Variants in LRRC7 observed in about 807,000 individuals in gnomAD.
LRRC7 encodes the protein leucine-rich repeat-containing protein 7.
A neutral mutation model predicts 175.7 loss-of-function variants in LRRC7; 23 were observed. The ratio of observed to expected loss-of-function variants is 0.13; its 90% CI spans 0.09 to 0.19. LRRC7 has a LOEUF of 0.19. Ranked by LOEUF, LRRC7 falls within the 10% of genes least tolerant of loss-of-function variation. The probability of loss-of-function intolerance (pLI) is 1.00; values close to 1 mark genes in which losing one functional copy is unlikely to be tolerated. For missense variants in LRRC7, 1,354 were observed against 1,904.7 expected (o/e 0.71, Z 5.38); for synonymous variants, 685 against 680.9 (o/e 1.01, Z -0.09).
chr1:69,924,367 G>A (rs1030036020), intron 7 of LRRC7, among the ~76,000 whole-genome samples: 1 of 152,106 alleles, frequency 6.6e-6, no homozygotes, highest in Non-Finnish European at 1.5e-5. Context: ...GATGGGGATG[G>A]CATTGAATCT....
intron 11 of LRRC7, among the ~76,000 whole-genome samples, chr1:70,006,975 C>T (rs560122471): frequency 1.3e-5 from 2 of 152,274 alleles, no homozygotes; most frequent in East Asian, 3.9e-4. Flanking sequence ...ACCTGCCCAG[C>T]ATTTCTGTGT....
intron 1 of LRRC7, among the ~76,000 whole-genome samples, chr1:69,645,798 G>T (rs1654925271): frequency 6.6e-6 from 1 of 151,968 alleles, no homozygotes; most frequent in African/African-American, 2.4e-5. Flanking sequence ...TAAAGATGAG[G>T]TTTTATAAAA....
At chr1:69,954,251 C>A (rs1650262092) in intron 8 of LRRC7, among the ~76,000 whole-genome samples, 1 of 151,964 alleles carries the variant, frequency 6.6e-6, no homozygotes, top group African/African-American at 2.4e-5. Flanking sequence ...AGAGGAAACA[C>A]AAGCGTGCTG....
At chr1:69,637,615 G>T (rs1419887373) in intron 1 of LRRC7, among the ~76,000 whole-genome samples, 2 of 151,882 alleles carry the variant, frequency 1.3e-5, no homozygotes, top group East Asian at 3.9e-4. Flanking sequence ...AAGTCAAATA[G>T]TATTCCTCAG....
chr1:69,867,383 C>T (rs1161104009), intron 7 of LRRC7, among the ~76,000 whole-genome samples: 2 of 152,062 alleles, frequency 1.3e-5, no homozygotes, highest in Non-Finnish European at 2.9e-5. Flanking sequence ...GTGAGAAAGA[C>T]TGAATAACAT....
At chr1:69,631,805 T>TCA (rs1652548347) in intron 1 of LRRC7, among the ~76,000 whole-genome samples, 1 of 152,150 alleles carries the variant, frequency 6.6e-6, no homozygotes, top group Non-Finnish European at 1.5e-5. Context: ...AGCTGGCTGC[T>TCA]TGATAAACTC....
At chr1:69,763,040 T>G (rs1031406077) in intron 3 of LRRC7, among the ~76,000 whole-genome samples, 5 of 151,990 alleles carry the variant, frequency 3.3e-5, no homozygotes, top group African/African-American at 1.2e-4. Context: ...TGAGGTATGA[T>G]CCAAACAGTA....
intron 18 of LRRC7, among the ~76,000 whole-genome samples, chr1:70,034,487 C>T (rs1659099359): frequency 1.3e-5 from 2 of 152,182 alleles, no homozygotes; most frequent in South Asian, 4.1e-4. Context: ...CACAGTATCA[C>T]ATAGAACACC....
At chr1:69,803,484 G>A (rs1345978722) in intron 4 of LRRC7, among the ~76,000 whole-genome samples, 1 of 151,330 alleles carries the variant, frequency 6.6e-6, no homozygotes, top group East Asian at 1.9e-4. Flanking sequence ...TTATGTTTAA[G>A]TACTTTAAGT....
intron 2 of LRRC7, among the ~76,000 whole-genome samples, chr1:69,689,384 G>T (rs1157469030): frequency 6.6e-6 from 1 of 152,152 alleles, no homozygotes; most frequent in Non-Finnish European, 1.5e-5. Flanking sequence ...TATGCTATCT[G>T]CCTATACCAT....
intron 1 of LRRC7, among the ~76,000 whole-genome samples, chr1:69,653,803 G>A (rs950430140): frequency 4.6e-5 from 7 of 152,154 alleles, no homozygotes; most frequent in Admixed American, 3.9e-4. Flanking sequence ...AGCCTGTCAC[G>A]TGCAAAAACA....
At chr1:70,003,344 A>C (rs559594812) in intron 11 of LRRC7, among the ~76,000 whole-genome samples, 1 of 152,320 alleles carries the variant, frequency 6.6e-6, no homozygotes, top group Non-Finnish European at 1.5e-5. Context: ...CATTCAGTCC[A>C]TAACATATAT....
intron 1 of LRRC7, among the ~76,000 whole-genome samples, chr1:69,573,945 T>G (rs886928762): frequency 1.3e-5 from 2 of 152,278 alleles, no homozygotes; most frequent in South Asian, 4.1e-4. Flanking sequence ...TTTATAGGCT[T>G]CTTAAAGATG....
intron 5 of LRRC7, among the ~76,000 whole-genome samples, chr1:69,833,118 A>G (rs1004565818): frequency 4.6e-5 from 7 of 150,916 alleles, no homozygotes; most frequent in African/African-American, 1.7e-4. Context: ...AAAAAAAAGA[A>G]GAAACGACTG....
In LRRC7 at chr1:70,125,733, A is replaced by G. The variant is rs1173812132; in HGVS notation, c.*3846A>G. 7.4e-6 allele frequency among the ~76,000 whole-genome samples: 1 copy of G among 135,616 alleles called. No homozygotes were observed. The highest frequency in any genetic ancestry group is 2.2e-4 in the East Asian group (1 of 4,492). 89.0% of individuals were successfully genotyped at this position (135,616 alleles called of 152,430 possible). A position where few individuals can be genotyped will look rare whatever the true frequency, so the allele number is the denominator to read the frequency against. The stretch of plus-strand genomic sequence containing the variant: ...CGTGAACCCAGGAGGCGGAGCTTGC[A>G]GTGAGCCGAGATCCCGCCACTGCAC... On this transcript the variant is annotated 3_prime_UTR_variant, in exon 27 of 27. Transcript: ENST00000651989.
intron 1 of LRRC7, among the ~76,000 whole-genome samples, chr1:69,610,546 G>A (rs1165390985): frequency 2.0e-5 from 3 of 151,634 alleles, no homozygotes; most frequent in Non-Finnish European, 4.4e-5. Flanking sequence ...ATGCTTATTG[G>A]CCTTTATAGT....
intron 7 of LRRC7, among the ~76,000 whole-genome samples, chr1:69,869,556 C>CT (rs1685299065): frequency 1.3e-5 from 2 of 152,108 alleles, no homozygotes; most frequent in South Asian, 4.1e-4. Context: ...TAGATTTTGT[C>CT]TTTACTATTC....
rs17463887 is a variant in LRRC7 at position 70,131,278 on chromosome 1, G to A, written c.*9391G>A. On this transcript the variant is annotated 3_prime_UTR_variant, in exon 27 of 27. Transcript: ENST00000651989. ...CCTTCCCCTGAAGGGACAAAAAATG[G>A]AATCCAGCCCCTTAAAACAAAAATG... 0.17 allele frequency among the ~76,000 whole-genome samples: 25,503 copies of A among 152,074 alleles called. 2,685 individuals carry two copies. The highest frequency in any genetic ancestry group is 0.22 in the Non-Finnish European group (15,264 of 67,964).
In LRRC7 at chr1:70,125,910, A is replaced by G. The variant is rs563877417; in HGVS notation, c.*4023A>G. On this transcript the variant is annotated 3_prime_UTR_variant, in exon 27 of 27. Coordinates refer to ENST00000651989, the MANE Select transcript of LRRC7 (RefSeq NM_001370785.2). ...GAATTTGTCAAAATGGTTAGATGAA[A>G]GAAACCAAAAAAACCATTTTATTTT... 6.6e-6 allele frequency among the ~76,000 whole-genome samples: 1 copy of G among 151,762 alleles called. No homozygotes were observed. Among genetic ancestry groups the G allele is most frequent in the South Asian group, 2.1e-4 (1 of 4,822 alleles).
Sources: gnomAD v4.1 joint callset for allele counts (sites outside exome capture counted in the v4.1 genomes callset) on GRCh38, gnomAD v4.1.1 for gene constraint, MANE v1.5 for transcripts, NCBI Gene and HGNC (gene_info 2026-07-23, HGNC 2026-07-21) for gene names.